Variants in KIF27 observed in about 807,000 individuals in gnomAD.
The protein encoded by KIF27 is kinesin-like protein KIF27.
Under a neutral mutation model 141.8 loss-of-function variants are expected in KIF27, and 84 were observed. The observed-to-expected ratio is 0.59, with a 90% CI of 0.50 to 0.71. The LOEUF (loss-of-function observed/expected upper bound fraction) is 0.71, where lower values mean the gene tolerates loss of function less well. Ranked by LOEUF, KIF27 falls within the 30% of genes least tolerant of loss-of-function variation. The pLI is 0.00. For missense variants in KIF27, 1,306 were observed against 1,628.4 expected (o/e 0.80, Z 3.41); for synonymous variants, 471 against 569.5 (o/e 0.83, Z 2.46).
chr9:83,842,383 A>C lies in KIF27; in HGVS notation c.3575T>G (p.Ile1192Ser), dbSNP rs765929828. 1.1e-5 allele frequency: 16 copies of C among 1,517,642 alleles called. No homozygotes were observed. In the East Asian group the frequency reaches 3.8e-4, roughly 36 times the overall value. The allele number at this position is 1,517,642 out of a possible 1,614,324, so 94.0% of individuals were successfully genotyped here. A position where few individuals can be genotyped will look rare whatever the true frequency, so the allele number is the denominator to read the frequency against. ...HHFKEQDGEG[I>S]METFKTYEDK... ...TTCATATGTTTTGAAAGTTTCCATA[A>C]TGCCTTCTCCATCTTGTTCTATACA... Residue 1192 changes from isoleucine to serine, a missense_variant, in exon 17 of 18, where the codon ATT becomes AGT. Physicochemically the swap from Ile to Ser is moderately radical, Grantham distance 142. This residue lies in a region of KIF27 where 148 missense variants were observed against 250.9 expected (regional missense o/e 0.59). Coordinates refer to ENST00000297814, the MANE Select transcript of KIF27 (RefSeq NM_017576.4).
At chr9:83,864,121 C>A (rs1950168099) in intron 13 of KIF27, among the ~76,000 whole-genome samples, 2 of 152,112 alleles carry the variant, frequency 1.3e-5, no homozygotes, top group Admixed American at 6.6e-5. Flanking sequence ...TCTCAAAAAA[C>A]CAGCTCCTTG....
Position 83,899,872 on chromosome 9 carries a change from A to G in KIF27, c.1459-68T>C, listed in dbSNP as rs1953682245. 2.8e-5 allele frequency: 38 copies of G among 1,346,618 alleles called. No individual in the cohort carries two copies. The South Asian group carries it at 5.5e-4, about 19-fold the overall frequency. The allele number at this position is 1,346,618 out of a possible 1,614,324, so 83.4% of individuals were successfully genotyped here. ...TAATCAAGAAACCCCATATGATAAC[A>G]CAAAAATGGTGATTTGATTATAGCT... On this transcript the variant is annotated intron_variant, in intron 4 of 17. Coordinates refer to ENST00000297814, the MANE Select transcript of KIF27 (RefSeq NM_017576.4).
At chr9:83,869,838 TAAG>T (rs921968404) in intron 12 of KIF27, among the ~76,000 whole-genome samples, 13 of 152,112 alleles carry the variant, frequency 8.5e-5, no homozygotes, top group African/African-American at 2.9e-4. Flanking sequence ...TCTACCAAAA[TAAG>T]AATATATTGA....
intron 2 of KIF27, among the ~76,000 whole-genome samples, chr9:83,909,138 CA>C (rs1954879855): frequency 2.0e-5 from 3 of 151,414 alleles, no homozygotes; most frequent in Admixed American, 6.6e-5. Context: ...CAGACAATAG[CA>C]AAAAAGAATA....
chr9:83,903,022 A>G (rs996623780), intron 4 of KIF27, 38 bp downstream of exon 4: 9 of 1,281,398 alleles, frequency 7.0e-6, no homozygotes, highest in Non-Finnish European at 9.8e-6. Context: ...ATGTATCAAT[A>G]AAATAAATAA....
At chr9:83,861,743 G>A (rs1251588852) in intron 13 of KIF27, among the ~76,000 whole-genome samples, 1 of 151,378 alleles carries the variant, frequency 6.6e-6, no homozygotes, top group African/African-American at 2.4e-5. Flanking sequence ...AGATCCTTGA[G>A]GAATCACCAC....
chr9:83,857,412 A>G (rs935019991), intron 14 of KIF27, among the ~76,000 whole-genome samples: 4 of 152,148 alleles, frequency 2.6e-5, no homozygotes, highest in African/African-American at 9.7e-5. Flanking sequence ...GTACACTAAG[A>G]AGAACCAACC....
chr9:83,908,249 G>A (rs547698985), intron 3 of KIF27, among the ~76,000 whole-genome samples: 62 of 116,928 alleles, frequency 5.3e-4, no homozygotes, highest in Middle Eastern at 0.012. Context: ...CTGATGGAGC[G>A]AAACTCCATC....
intron 13 of KIF27, 50 bp downstream of exon 13, chr9:83,867,634 A>T: frequency 3.9e-6 from 6 of 1,521,734 alleles, no homozygotes; most frequent in Non-Finnish European, 4.4e-6. Flanking sequence ...CCTAGTGGGG[A>T]GTAGGGAGTG....
intron 11 of KIF27, among the ~76,000 whole-genome samples, chr9:83,872,753 T>G (rs1388264095): frequency 6.6e-6 from 1 of 152,164 alleles, no homozygotes; most frequent in Admixed American, 6.5e-5. Context: ...AAAGAGACAG[T>G]AAGGAAGACT....
chr9:83,907,899 A>G (rs1954721986), intron 3 of KIF27, among the ~76,000 whole-genome samples: 1 of 152,244 alleles, frequency 6.6e-6, no homozygotes, highest in Non-Finnish European at 1.5e-5. Context: ...GGAAATCAGT[A>G]TCTTGCATTA....
chr9:83,898,645 T>C (rs1186603503), intron 5 of KIF27: 5 of 152,230 alleles, frequency 3.3e-5, no homozygotes, highest in South Asian at 4.1e-4. Flanking sequence ...TTTAGTTTTA[T>C]GTTTTTAAAT....
rs774445331 is a variant in KIF27, at chr9:83,880,419, G to A, written c.2521C>T (p.Leu841=). 1.2e-6 allele frequency: 2 copies of A among 1,613,362 alleles called. No homozygotes were observed. Among genetic ancestry groups the A allele is most frequent in the Non-Finnish European group, 1.7e-6 (2 of 1,179,794 alleles). The part of the protein sequence containing the change: ...SIQNEKRANE[L]EQSVDHMKYQ... ...TTCATGTGATCTACACTCTGCTCTA[G>A]CTCATTAGCACGTTTCTCATTTTGG... Residue 841 remains leucine, a synonymous_variant, in exon 11 of 18, where the codon CTA becomes TTA. Transcript: ENST00000297814.
chr9:83,895,831 G>C (rs1401537311), intron 5 of KIF27, among the ~76,000 whole-genome samples: 1 of 152,044 alleles, frequency 6.6e-6, no homozygotes, highest in Non-Finnish European at 1.5e-5. Flanking sequence ...GCCAAGGCAG[G>C]TAGATCATTT....
At chr9:83,842,454 T>C (rs1946682563) in intron 16 of KIF27, 53 bp from the exon 17 acceptor site, 4 of 1,465,124 alleles carry the variant, frequency 2.7e-6, no homozygotes, top group Non-Finnish European at 3.6e-6. Context: ...TGATGCAAAA[T>C]TATGTTTTTG....
intron 4 of KIF27, 103 bp downstream of exon 4, chr9:83,902,957 C>T: frequency 1.6e-6 from 1 of 637,078 alleles, no homozygotes; most frequent in Non-Finnish European, 2.6e-6. Context: ...AAGAGTTATC[C>T]ATAACAATGT....
At chr9:83,864,453 G>A (rs996712566) in intron 13 of KIF27, among the ~76,000 whole-genome samples, 22 of 152,164 alleles carry the variant, frequency 1.4e-4, no homozygotes, top group African/African-American at 3.1e-4. Flanking sequence ...TTCAGGAGCA[G>A]GTTGTTCAGT....
intron 14 of KIF27, among the ~76,000 whole-genome samples, chr9:83,857,573 C>T (rs540625549): frequency 6.6e-6 from 1 of 152,278 alleles, no homozygotes; most frequent in Non-Finnish European, 1.5e-5. Context: ...CTGTAAATAA[C>T]GTTTTTTGTT....
intron 1 of KIF27, among the ~76,000 whole-genome samples, 165 bp from the exon 2 acceptor site, chr9:83,915,843 A>G (rs571213379): frequency 6.6e-6 from 1 of 152,250 alleles, no homozygotes; most frequent in African/African-American, 2.4e-5. Flanking sequence ...TTGTAGACAA[A>G]CTAGTATGTC....
Sources: gnomAD v4.1 joint callset for allele counts (sites outside exome capture counted in the v4.1 genomes callset) on GRCh38, gnomAD v4.1.1 for gene constraint, gnomAD v4.1.1 regional missense constraint, MANE v1.5 for transcripts, NCBI Gene and HGNC (gene_info 2026-07-23, HGNC 2026-07-21) for gene names.